Variants in GARIN5B observed in about 807,000 individuals in gnomAD.
The protein encoded by GARIN5B is Golgi-associated RAB2 interactor protein 5B.
At chr19:55,361,196 G>A in the GARIN5B span, 3 of 1,551,210 alleles carry the variant, frequency 1.9e-6, no homozygotes, top group African/African-American at 4.1e-5. Flanking sequence ...CTGTCTCTGA[G>A]CAGCCACCGT....
At chr19:55,358,762 C>A in the GARIN5B span, 1 of 1,549,462 alleles carries the variant, frequency 6.5e-7, no homozygotes. Context: ...TGGCCGTGAT[C>A]ATGAGCTTGG....
the GARIN5B span, chr19:55,361,201 C>T: frequency 1.3e-6 from 2 of 1,551,220 alleles, no homozygotes; most frequent in Non-Finnish European, 1.7e-6. Context: ...TCTGAGCAGC[C>T]ACCGTCTTAT....
chr19:55,355,862 T>G, the GARIN5B span, among the ~76,000 whole-genome samples: 2 of 151,620 alleles, frequency 1.3e-5, no homozygotes, highest in Non-Finnish European at 2.9e-5. Flanking sequence ...GGTGCGTGCC[T>G]GTGGTTCCAG....
chr19:55,362,647 A>G, the GARIN5B span: 2 of 1,547,368 alleles, frequency 1.3e-6, no homozygotes, highest in African/African-American at 1.4e-5. Flanking sequence ...GTCAGGCAAC[A>G]CCAGGCCTGG....
chr19:55,358,294 C>T, the GARIN5B span: 17 of 1,549,700 alleles, frequency 1.1e-5, no homozygotes, highest in Non-Finnish European at 1.5e-5. Flanking sequence ...CTGGCATCCT[C>T]ATGGGCTCCT....
the GARIN5B span, chr19:55,360,872 G>A: frequency 1.3e-6 from 2 of 1,547,014 alleles, no homozygotes; most frequent in African/African-American, 2.7e-5. Context: ...GGATTTGGGT[G>A]TGAGTTCTGT....
chr19:55,358,474 A>G, the GARIN5B span: 1 of 1,536,162 alleles, frequency 6.5e-7, no homozygotes, highest in Admixed American at 2.0e-5. Flanking sequence ...GCTTGGAGCG[A>G]AAGGGCACCT....
At chr19:55,355,748 G>A in the GARIN5B span, among the ~76,000 whole-genome samples, 1 of 152,146 alleles carries the variant, frequency 6.6e-6, no homozygotes, top group Non-Finnish European at 1.5e-5. Flanking sequence ...CATTTTGTGG[G>A]GCAGAGGCGG....
At chr19:55,358,637 TG>T in the GARIN5B span, 1 of 1,551,188 alleles carries the variant, frequency 6.4e-7, no homozygotes, top group Non-Finnish European at 8.7e-7. Flanking sequence ...TAAGGACAGC[TG>T]GCCGGGGCGG....
At chr19:55,358,201 C>T in the GARIN5B span, 28 of 1,543,956 alleles carry the variant, frequency 1.8e-5, no homozygotes, top group Admixed American at 3.6e-4. Context: ...CCTTGGTGGC[C>T]GTGTTCCTCA....
chr19:55,358,512 GCTCCTTC>G, the GARIN5B span: 1 of 31,516 alleles, frequency 3.2e-5, no homozygotes. Context: ...TCCCAGGGTG[GCTCCTTC>G]ATCTCGCCCC....
At chr19:55,360,592 C>A in the GARIN5B span, 1 of 1,388,490 alleles carries the variant, frequency 7.2e-7, no homozygotes, top group African/African-American at 1.5e-5. Flanking sequence ...ACCCAGGAGT[C>A]CAGGTCCCAG....
the GARIN5B span, among the ~76,000 whole-genome samples, chr19:55,355,538 G>A: frequency 6.6e-6 from 1 of 152,080 alleles, no homozygotes; most frequent in Non-Finnish European, 1.5e-5. Context: ...TAAATCCGAG[G>A]CGGAATCAAT....
At chr19:55,361,681 C>CT in the GARIN5B span, among the ~76,000 whole-genome samples, 1 of 35,224 alleles carries the variant, frequency 2.8e-5, no homozygotes, top group African/African-American at 6.3e-5. Context: ...GGGTCCAGGC[C>CT]TCAGTTCCTC....
chr19:55,362,854 C>T, the GARIN5B span: 1 of 1,469,874 alleles, frequency 6.8e-7, no homozygotes, highest in African/African-American at 1.4e-5. Context: ...CAAGATCCCC[C>T]AGCACGGGGG....
At chr19:55,358,394 T>C in the GARIN5B span, 1 of 1,506,244 alleles carries the variant, frequency 6.6e-7, no homozygotes, top group Non-Finnish European at 8.9e-7. Flanking sequence ...CCGTAAGTCC[T>C]CCCACGGTGA....
At chr19:55,359,085 G>T in the GARIN5B span, 8 of 1,551,220 alleles carry the variant, frequency 5.2e-6, no homozygotes, top group East Asian at 2.4e-5. Flanking sequence ...TCTGTCTCCT[G>T]GGTGCGCACC....
chr19:55,362,318 G>A, the GARIN5B span: 8 of 1,550,468 alleles, frequency 5.2e-6, no homozygotes, highest in East Asian at 9.8e-5. Context: ...GGTCCTGGGG[G>A]TCCAGGTGGG....
the GARIN5B span, chr19:55,362,686 C>T: frequency 2.4e-5 from 37 of 1,544,198 alleles, no homozygotes; most frequent in Admixed American, 2.2e-4. Context: ...CATGGCCAGC[C>T]GGTTGGTTCT....
Sources: gnomAD v4.1 joint callset for allele counts (sites outside exome capture counted in the v4.1 genomes callset) on GRCh38, gnomAD v4.1.1 for gene constraint, MANE v1.5 for transcripts, NCBI Gene and HGNC (gene_info 2026-07-23, HGNC 2026-07-21) for gene names.